GRIP1: variants seen among roughly 807,000 people sequenced by gnomAD.
GRIP1 encodes the protein glutamate receptor-interacting protein 1.
GRIP1 carries 45 observed loss-of-function variants against 129.9 expected under a neutral mutation model. The observed-to-expected ratio is 0.35, with a 90% CI of 0.27 to 0.44. GRIP1 has a LOEUF of 0.44. Among genes scored for constraint, GRIP1 ranks in the 20% least tolerant of loss-of-function variants. The pLI is 1.00. For missense variants in GRIP1, 1,196 were observed against 1,396.8 expected (o/e 0.86, Z 2.29); for synonymous variants, 530 against 520.8 (o/e 1.02, Z -0.24).
intron 1 of GRIP1, among the ~76,000 whole-genome samples, chr12:66,888,854 A>C (rs937136669): frequency 6.6e-6 from 1 of 152,246 alleles, no homozygotes; most frequent in Admixed American, 6.5e-5. Context: ...TAAATCAAAT[A>C]TCATTGAATA....
At chr12:66,459,377 C>T (rs1399232257) in intron 9 of GRIP1, among the ~76,000 whole-genome samples, 3 of 152,202 alleles carry the variant, frequency 2.0e-5, no homozygotes, top group Non-Finnish European at 2.9e-5. Flanking sequence ...GGCCAATTTA[C>T]AACCACCGAC....
intron 1 of GRIP1, among the ~76,000 whole-genome samples, chr12:66,951,018 C>T (rs1230532879): frequency 6.6e-6 from 1 of 152,082 alleles, no homozygotes; most frequent in Non-Finnish European, 1.5e-5. Flanking sequence ...TTTATCTAGA[C>T]CTACTTTATA....
At chr12:67,002,387 A>G (rs1481262518) in intron 1 of GRIP1, among the ~76,000 whole-genome samples, 1 of 152,216 alleles carries the variant, frequency 6.6e-6, no homozygotes, top group African/African-American at 2.4e-5. Context: ...AACTATACCA[A>G]TAGAATAGGT....
chr12:66,787,527 T>C (rs1037063145), intron 1 of GRIP1, among the ~76,000 whole-genome samples: 2 of 152,148 alleles, frequency 1.3e-5, no homozygotes, highest in Non-Finnish European at 2.9e-5. Flanking sequence ...GATGATGGTA[T>C]TAAGAAGTGA....
chr12:66,389,468 T>G lies in GRIP1; in HGVS notation c.2464+2840A>C, dbSNP rs145572504. Among the ~76,000 whole-genome samples, 1,182 of 152,240 alleles carry G rather than the reference T, an allele frequency of 7.8e-3. 16 individuals are homozygous for G. Among genetic ancestry groups the G allele is most frequent in the African/African-American group, 0.027 (1,142 of 41,542 alleles). On this transcript the variant is annotated intron_variant, in intron 19 of 24. Coordinates refer to ENST00000359742, the MANE Select transcript of GRIP1 (RefSeq NM_001366722.1). ...GTCTTGAACTCCTGACCTCAGGTGA[T>G]TTGCCCACCTCAGCCTCCCAAAGTG...
chr12:66,432,747 GAAGT>G (rs9325182), intron 13 of GRIP1, 119 bp from the exon 14 acceptor site: 637,474 of 664,832 alleles, frequency 0.96, 307,746 homozygotes, highest in Non-Finnish European at 1. Context: ...TGTAGGAACT[GAAGT>G]AAGATGAAGG....
intron 1 of GRIP1, among the ~76,000 whole-genome samples, chr12:67,062,732 C>T (rs1243084873): frequency 6.6e-6 from 1 of 152,150 alleles, no homozygotes; most frequent in Non-Finnish European, 1.5e-5. Flanking sequence ...ACTCAATAAA[C>T]ATTTGCTAAG....
intron 1 of GRIP1, among the ~76,000 whole-genome samples, chr12:66,880,678 G>A (rs1270448857): frequency 6.6e-6 from 1 of 152,078 alleles, no homozygotes. Flanking sequence ...AAAGGCACAG[G>A]AGGAAAACAC....
chr12:66,441,590 T>G (rs2058473104), intron 13 of GRIP1, among the ~76,000 whole-genome samples: 1 of 152,218 alleles, frequency 6.6e-6, no homozygotes, highest in South Asian at 2.1e-4. Flanking sequence ...ATTCAGCAGC[T>G]CTTTCTCTCC....
At chr12:67,051,360 T>C (rs1292224808) in intron 1 of GRIP1, among the ~76,000 whole-genome samples, 6 of 148,472 alleles carry the variant, frequency 4.0e-5, no homozygotes, top group African/African-American at 1.5e-4. Context: ...ATGTCCACTA[T>C]GATAGAAGAA....
chr12:67,010,913 T>G (rs941012161), intron 1 of GRIP1, among the ~76,000 whole-genome samples: 1 of 152,244 alleles, frequency 6.6e-6, no homozygotes, highest in Admixed American at 6.5e-5. Flanking sequence ...CTCCTCCTCC[T>G]CCCAAACTAT....
chr12:66,579,654 T>C (rs1565880844), intron 2 of GRIP1, among the ~76,000 whole-genome samples: 1 of 152,028 alleles, frequency 6.6e-6, no homozygotes, highest in Non-Finnish European at 1.5e-5. Flanking sequence ...AGAAAGGGTA[T>C]CAGCAATGGA....
At chr12:66,493,793 T>C (rs1415584880) in intron 7 of GRIP1, among the ~76,000 whole-genome samples, 1 of 152,230 alleles carries the variant, frequency 6.6e-6, no homozygotes, top group African/African-American at 2.4e-5. Context: ...ATGATGGCAC[T>C]GCAGGATCAC....
rs181844029 is a variant in GRIP1, at chr12:66,490,600, A to G, written c.724+25019T>C. ...ATTTCATGATGAAAATACTAAAAGC[A>G]AAAATTGACAAATGAGATCTAATTA... On this transcript the variant is annotated intron_variant, in intron 7 of 24. Transcript: ENST00000359742. Among the ~76,000 whole-genome samples the G allele has an allele frequency of 6.8e-4, 104 of 152,042 alleles. 1 individual carries two copies. Among genetic ancestry groups the G allele is most frequent in the Middle Eastern group, 3.4e-3 (1 of 294 alleles).
chr12:66,530,117 T>C (rs2061394021), intron 4 of GRIP1, among the ~76,000 whole-genome samples: 1 of 152,232 alleles, frequency 6.6e-6, no homozygotes, highest in Non-Finnish European at 1.5e-5. Context: ...AAGTGACTCA[T>C]ATAGATACAA....
intron 5 of GRIP1, among the ~76,000 whole-genome samples, chr12:66,529,279 C>T (rs1054565121): frequency 6.6e-6 from 1 of 152,122 alleles, no homozygotes; most frequent in Admixed American, 6.6e-5. Flanking sequence ...TCCAGCAATT[C>T]CACAACTGGA....
intron 1 of GRIP1, among the ~76,000 whole-genome samples, chr12:66,768,316 C>T (rs536436909): frequency 1.3e-5 from 2 of 152,226 alleles, no homozygotes; most frequent in East Asian, 3.9e-4. Flanking sequence ...AACCACTTTC[C>T]CAAGTTATAT....
At chr12:66,358,440 T>G (rs2054595509) in intron 23 of GRIP1, among the ~76,000 whole-genome samples, 1 of 152,140 alleles carries the variant, frequency 6.6e-6, no homozygotes, top group Non-Finnish European at 1.5e-5. Flanking sequence ...TTATATTCTA[T>G]TCTAGTCCTT....
At chr12:66,604,872 T>C (rs4627157) in intron 1 of GRIP1, among the ~76,000 whole-genome samples, 51,167 of 151,976 alleles carry the variant, frequency 0.34, 8,914 homozygotes, top group Non-Finnish European at 0.37. Context: ...AAAAAGTATG[T>C]ATTAACAGGT....
Sources: allele counts gnomAD v4.1 joint callset (sites outside exome capture counted in the v4.1 genomes callset), GRCh38; gene constraint gnomAD v4.1.1; transcripts MANE v1.5; gene names NCBI Gene and HGNC (gene_info 2026-07-23, HGNC 2026-07-21).